DNAH11: variants seen among roughly 807,000 people sequenced by gnomAD.
DNAH11 encodes the protein dynein axonemal heavy chain 11.
Under a neutral mutation model 526.0 loss-of-function variants are expected in DNAH11, and 442 were observed. That is an observed-to-expected ratio of 0.84 (90% CI 0.78 to 0.91). DNAH11 has a LOEUF of 0.91. DNAH11 is among the 40% of genes least tolerant of loss of function. The probability of loss-of-function intolerance (pLI) is 0.00; values close to 1 mark genes in which losing one functional copy is unlikely to be tolerated. For synonymous variants in DNAH11, 2,461 were observed against 1,935.9 expected, an observed-to-expected ratio of 1.27 and a Z score of -7.12; for missense variants, 6,989 against 5,448.7, an observed-to-expected ratio of 1.28 and a Z score of -8.90.
intron 76 of DNAH11, among the ~76,000 whole-genome samples, chr7:21,887,663 T>A (rs1233267627): frequency 6.6e-6 from 1 of 152,214 alleles, no homozygotes; most frequent in Non-Finnish European, 1.5e-5. Context: ...TGGGAAATCT[T>A]TTTATTATAA....
rs1009027370 is a variant in DNAH11, at chr7:21,677,308, T to C, written c.5329-4238T>C. Among the ~76,000 whole-genome samples the C allele has an allele frequency of 5.9e-5, 9 of 152,218 alleles. No homozygotes were observed. The South Asian group carries it at 1.7e-3, about 28-fold the overall frequency. On this transcript the variant is annotated intron_variant, in intron 30 of 81. Coordinates refer to ENST00000409508, the MANE Select transcript of DNAH11 (RefSeq NM_001277115.2). The stretch of plus-strand genomic sequence containing the variant: ...CAACATGAGCTTGCTTTGTGTCTTT[T>C]TGTCACATTTTCATAATTCTTGGAA...
Position 21,599,956 on chromosome 7 carries a change from C to T in DNAH11, c.2837C>T (p.Ala946Val). Residue 946 changes from alanine to valine, a missense_variant, in exon 15 of 82, where the codon GCA (alanine) becomes GTA (valine). Ala to Val is a moderately conservative substitution (Grantham distance 64). Transcript: ENST00000409508. ...KQLKPAPFFQ[A>V]QMILLPPEIV... is the part of the protein sequence containing the mutation. ...TTGAAACCGGCACCGTTTTTTCAAG[C>T]ACAAATGATCTTGTTGCCTCCTGAG... 2 of 1,613,552 alleles carry T rather than the reference C, an allele frequency of 1.2e-6. No homozygotes were observed. Among genetic ancestry groups the T allele is most frequent in the Admixed American group, 1.7e-5 (1 of 59,940 alleles).
chr7:21,799,342 CT>C (rs917360514), intron 61 of DNAH11, among the ~76,000 whole-genome samples: 215 of 145,164 alleles, frequency 1.5e-3, no homozygotes, highest in East Asian at 3.4e-3. Flanking sequence ...AATCTTATTT[CT>C]TTTTTTTTTT....
At chr7:21,584,432 G>GT (rs1784417887) in intron 9 of DNAH11, among the ~76,000 whole-genome samples, 1 of 152,170 alleles carries the variant, frequency 6.6e-6, no homozygotes. Context: ...ATGTCAGGGA[G>GT]TGGGGGGCTA....
At chr7:21,573,787 C>G (rs1783983464) in intron 8 of DNAH11, among the ~76,000 whole-genome samples, 1 of 152,202 alleles carries the variant, frequency 6.6e-6, no homozygotes, top group South Asian at 2.1e-4. Context: ...GCCCCATCCC[C>G]TCTGACTACA....
At chr7:21,682,092 C>T (rs1207941966) in intron 31 of DNAH11, among the ~76,000 whole-genome samples, 3 of 152,176 alleles carry the variant, frequency 2.0e-5, no homozygotes, top group African/African-American at 7.2e-5. Flanking sequence ...TACATTTCCC[C>T]TTGAAGAGAG....
At chr7:21,786,599 C>T (rs1429979550) in intron 58 of DNAH11, 25 bp from the exon 59 acceptor site, 8 of 1,598,966 alleles carry the variant, frequency 5.0e-6, no homozygotes, top group African/African-American at 2.7e-5. Context: ...TGTCTGTGTA[C>T]GTGTTTCTGT....
At chr7:21,724,370 C>A (rs1393547488) in intron 44 of DNAH11, among the ~76,000 whole-genome samples, 1 of 152,220 alleles carries the variant, frequency 6.6e-6, no homozygotes, top group Non-Finnish European at 1.5e-5. Context: ...GCTCTCCCTG[C>A]AAACACCGAT....
At chr7:21,611,803 T>C (rs114081021) in intron 20 of DNAH11, among the ~76,000 whole-genome samples, 210 of 152,302 alleles carry the variant, frequency 1.4e-3, no homozygotes, top group African/African-American at 4.9e-3. Context: ...AATAGTGAAA[T>C]GAAGATATTT....
In DNAH11 at chr7:21,901,065, A is replaced by T. The variant is rs749087633; in HGVS notation, c.13362A>T (p.Ala4454=). The change falls in exon 82 of 82, where the codon GCA becomes GCT. Residue 4454 remains alanine (A), a synonymous_variant. Coordinates refer to ENST00000409508, the MANE Select transcript of DNAH11 (RefSeq NM_001277115.2). ...TIVEARLKEL[A]CPMPVIFAKA... ...TTGAAGCCCGTCTCAAGGAGCTGGC[A>T]TGCCCTATGCCGGTCATCTTTGCAA... 3 of 1,613,778 alleles carry T rather than the reference A, an allele frequency of 1.9e-6. No homozygotes were observed. In the African/African-American group the frequency reaches 4.0e-5, roughly 22 times the overall value.
chr7:21,729,777 C>A (rs973627596), intron 45 of DNAH11, among the ~76,000 whole-genome samples: 1 of 152,196 alleles, frequency 6.6e-6, no homozygotes, highest in African/African-American at 2.4e-5. Flanking sequence ...CCAACAGTCT[C>A]TTCAATGCAA....
At chr7:21,599,726 G>A (rs1583515885) in intron 14 of DNAH11, 61 bp from the exon 15 acceptor site, 16 of 1,257,826 alleles carry the variant, frequency 1.3e-5, no homozygotes, top group Non-Finnish European at 1.4e-5. Flanking sequence ...TAAACGGAGA[G>A]TTTTAGTTTT....
intron 62 of DNAH11, among the ~76,000 whole-genome samples, chr7:21,806,269 A>G (rs993299671): frequency 2.0e-5 from 3 of 152,226 alleles, no homozygotes; most frequent in African/African-American, 7.2e-5. Context: ...AGTTGGATAC[A>G]TTTTATTGTT....
chr7:21,834,595 G>A (rs1234936555), intron 65 of DNAH11, among the ~76,000 whole-genome samples: 1 of 152,180 alleles, frequency 6.6e-6, no homozygotes, highest in Non-Finnish European at 1.5e-5. Context: ...CACTTTGGGA[G>A]GCCAAGGCAG....
chr7:21,806,612 C>G (rs1397197110), intron 62 of DNAH11, among the ~76,000 whole-genome samples: 1 of 152,172 alleles, frequency 6.6e-6, no homozygotes, highest in East Asian at 1.9e-4. Flanking sequence ...TTTCTGTGGT[C>G]AATCTACTTT....
At position 21,710,714 on chromosome 7, in the gene DNAH11, C is replaced by T. The variant is rs766091915; in HGVS notation, c.6834+11C>T. ...ATGGATGATAACAAGGTGAATAAAA[C>T]CTCTGTTCTCAACCTTAAATATAAC... On this transcript the variant is annotated intron_variant, in intron 41 of 81. Transcript: ENST00000409508. The T allele has an allele frequency of 1.2e-6, 2 of 1,605,744 alleles. No individual in the cohort carries two copies. Among genetic ancestry groups the T allele is most frequent in the Non-Finnish European group, 1.7e-6 (2 of 1,176,108 alleles).
At chr7:21,593,987 A>C (rs996484729) in intron 14 of DNAH11, among the ~76,000 whole-genome samples, 24 of 150,608 alleles carry the variant, frequency 1.6e-4, no homozygotes, top group African/African-American at 5.9e-4. Context: ...TCTCACACAC[A>C]GTCTCTTCCT....
rs371216414 is a variant in DNAH11 at position 21,779,111 on chromosome 7, C to T, written c.9483+7C>T. 23 of 1,609,438 alleles carry T rather than the reference C, an allele frequency of 1.4e-5. No homozygotes were observed. In the African/African-American group the frequency reaches 2.5e-4, roughly 18 times the overall value. ...TGATGCTGAGGAGCGAAAGGTCAGG[C>T]TAATTCCAACATTTAGAGTGCGGAG... On this transcript the variant is annotated splice_region_variant and intron_variant, in intron 57 of 81. Coordinates refer to ENST00000409508, the MANE Select transcript of DNAH11 (RefSeq NM_001277115.2).
rs183031009 is a variant in DNAH11, at chr7:21,901,109, G to A, written c.13406G>A (p.Arg4469Lys). The A allele has an allele frequency of 2.2e-4, 357 of 1,614,008 alleles. No homozygotes were observed. The African/African-American group carries it at 4.0e-3, about 18-fold the overall frequency. ...TTTGCAAAAGCCACCCCCGTGGACAGACAAGAAACCAAACAGACCTACGAG... is the reference window on the plus strand; with the variant it reads ...TTTGCAAAAGCCACCCCCGTGGACAAACAAGAAACCAAACAGACCTACGAG... ...VIFAKATPVD[R>K]QETKQTYECP... The change falls in exon 82 of 82, where the codon AGA (arginine) becomes AAA (lysine). Residue 4469 changes from arginine (R) to lysine (K), a missense_variant. Physicochemically the swap from Arg to Lys is conservative, Grantham distance 26. Transcript: ENST00000409508.
Sources: gnomAD v4.1 joint callset for allele counts (sites outside exome capture counted in the v4.1 genomes callset) on GRCh38, gnomAD v4.1.1 for gene constraint, MANE v1.5 for transcripts, NCBI Gene and HGNC (gene_info 2026-07-23, HGNC 2026-07-21) for gene names.